Variants in PSMF1 observed in about 807,000 individuals in gnomAD.
PSMF1 encodes the protein proteasome inhibitor PI31 subunit.
PSMF1 carries 30 observed loss-of-function variants against 29.3 expected under a neutral mutation model. The ratio of observed to expected loss-of-function variants is 1.02; its 90% CI spans 0.77 to 1.39. The LOEUF (loss-of-function observed/expected upper bound fraction) is 1.39, where lower values mean the gene tolerates loss of function less well. PSMF1 is among the 40% of genes most tolerant of loss of function. The pLI is 0.00. For synonymous variants in PSMF1, 134 were observed against 139.7 expected (o/e 0.96, Z 0.29); for missense variants, 344 against 357.5 (o/e 0.96, Z 0.31).
At chr20:1,162,669 G>A (rs755744053) in intron 4 of PSMF1, among the ~76,000 whole-genome samples, 63 of 152,134 alleles carry the variant, frequency 4.1e-4, no homozygotes, top group Non-Finnish European at 7.5e-4. Context: ...TTTTATACAG[G>A]GGCTATATTG....
chr20:1,123,800 A>G (rs999485044), intron 1 of PSMF1, among the ~76,000 whole-genome samples: 1 of 152,258 alleles, frequency 6.6e-6, no homozygotes, highest in African/African-American at 2.4e-5. Flanking sequence ...TTAAATGCCC[A>G]CCAGCAGGGA....
intron 2 of PSMF1, chr20:1,127,205 G>T: frequency 1.4e-6 from 1 of 707,784 alleles, no homozygotes; most frequent in Admixed American, 2.0e-5. Flanking sequence ...AAAAGAGCCT[G>T]GGAAGTAGGT....
chr20:1,123,480 A>C (rs569055507), intron 1 of PSMF1, among the ~76,000 whole-genome samples: 12 of 152,350 alleles, frequency 7.9e-5, no homozygotes, highest in African/African-American at 2.9e-4. Context: ...AAATTTTTAC[A>C]TAAGTGGTAC....
Position 1,163,041 on chromosome 20 carries a change from C to T in PSMF1, c.552-89C>T. The T allele has an allele frequency of 6.9e-7, 1 of 1,440,878 alleles. No homozygotes were observed. The allele number at this position is 1,440,878 out of a possible 1,614,324, so 89.3% of individuals were successfully genotyped here. On this transcript the variant is annotated intron_variant, in intron 4 of 6. Coordinates refer to ENST00000335877, the MANE Select transcript of PSMF1 (RefSeq NM_006814.5). This position sits in a 1 kb window ranked among gnomAD's most constrained non-coding sequence, Gnocchi z 6.1. ...GTGCTATGGTCTCATGCAAGGGTTTCCCATGCCTGTGAGTGTGTTTGTGAT... is the reference window on the plus strand; with the variant it reads ...GTGCTATGGTCTCATGCAAGGGTTTTCCATGCCTGTGAGTGTGTTTGTGAT...
At chr20:1,161,202 G>C in intron 4 of PSMF1, 1 of 323,698 alleles carries the variant, frequency 3.1e-6, no homozygotes, top group South Asian at 5.0e-5. Flanking sequence ...GATCATGCGT[G>C]ACATCAAGGA....
chr20:1,135,381 T>A, intron 4 of PSMF1, 75 bp downstream of exon 4: 1 of 1,430,650 alleles, frequency 7.0e-7, no homozygotes, highest in Non-Finnish European at 9.5e-7. Context: ...ATCCTGCCAC[T>A]TGACCCCATC....
rs530929457 is a variant in PSMF1 at position 1,143,548 on chromosome 20, A to G, written c.551+8242A>G. Among the ~76,000 whole-genome samples, 3 of 152,326 alleles carry G rather than the reference A, an allele frequency of 2.0e-5. No individual in the cohort carries two copies. In the South Asian group the frequency reaches 6.2e-4, roughly 32 times the overall value. ...CTCCTAGAAGAAAACACAAGAGGAA[A>G]TCTTCAGTGTCTCAGGCTTGGTGAA... On this transcript the variant is annotated intron_variant, in intron 4 of 6. Transcript: ENST00000335877.
Position 1,165,016 on chromosome 20 carries a change from C to T in PSMF1, c.765-13C>T. 1 of 1,609,028 alleles carries T rather than the reference C, an allele frequency of 6.2e-7. No individual in the cohort carries two copies. On this transcript the variant is annotated splice_polypyrimidine_tract_variant and intron_variant, in intron 6 of 6. Coordinates refer to ENST00000335877, the MANE Select transcript of PSMF1 (RefSeq NM_006814.5). ...CCATCACTCCAACTCATCAGCCCCT[C>T]TTTCCATTCCAGACCTAACCCAGAC...
chr20:1,138,485 T>A (rs1196874458), intron 4 of PSMF1, among the ~76,000 whole-genome samples: 1 of 141,260 alleles, frequency 7.1e-6, no homozygotes, highest in Non-Finnish European at 1.5e-5. Context: ...ATGGCGCCAC[T>A]GCACTCCAGC....
chr20:1,122,958 A>G (rs1050403170), intron 1 of PSMF1, among the ~76,000 whole-genome samples: 4 of 152,240 alleles, frequency 2.6e-5, no homozygotes, highest in African/African-American at 9.6e-5. Context: ...GCCAGAGCAA[A>G]GATGAGGATG....
At chr20:1,134,408 G>A (rs1343698081) in intron 3 of PSMF1, among the ~76,000 whole-genome samples, 2 of 152,212 alleles carry the variant, frequency 1.3e-5, no homozygotes, top group South Asian at 4.2e-4. Context: ...TTTCTGTTAT[G>A]ATTCCATATG....
At chr20:1,128,621 T>C (rs1421449357) in intron 3 of PSMF1, among the ~76,000 whole-genome samples, 1 of 152,258 alleles carries the variant, frequency 6.6e-6, no homozygotes, top group Admixed American at 6.5e-5. Context: ...TTAAAATCAG[T>C]ATAATGAAAT....
intron 4 of PSMF1, among the ~76,000 whole-genome samples, chr20:1,147,058 TGA>T (rs1210905600): frequency 1.6e-4 from 24 of 152,088 alleles, no homozygotes; most frequent in Admixed American, 5.2e-4. Flanking sequence ...GGATTAGGTG[TGA>T]GAGTGTCAGC....
At chr20:1,146,646 C>T (rs914639566) in intron 4 of PSMF1, among the ~76,000 whole-genome samples, 8 of 150,496 alleles carry the variant, frequency 5.3e-5, no homozygotes, top group African/African-American at 1.9e-4. Context: ...TGCCCCACCT[C>T]TCCCCCCACG....
rs1216524471 is a variant in PSMF1 at position 1,164,351 on chromosome 20, G to A, written c.639G>A (p.Leu213=). 1.2e-6 allele frequency: 2 copies of A among 1,613,882 alleles called. No homozygotes were observed. The highest frequency in any genetic ancestry group is 1.7e-6 in the Non-Finnish European group (2 of 1,179,916). The change falls in exon 6 of 7, where the codon CTG becomes CTA. Residue 213 remains leucine (L), a synonymous_variant. Transcript: ENST00000335877. This position sits in a 1 kb window ranked among gnomAD's most constrained non-coding sequence, Gnocchi z 4.1. ...PRRGGMIVDP[L]RSGFPRALID... ...GAGGTGGCATGATTGTGGATCCCCTGAGATCTGGCTTCCCAAGAGCACTTA... is the reference window on the plus strand; with the variant it reads ...GAGGTGGCATGATTGTGGATCCCCTAAGATCTGGCTTCCCAAGAGCACTTA...
At position 1,149,962 on chromosome 20, in the gene PSMF1, T is replaced by C. The variant is rs73604113; in HGVS notation, c.552-13168T>C. On this transcript the variant is annotated intron_variant, in intron 4 of 6. Coordinates refer to ENST00000335877, the MANE Select transcript of PSMF1 (RefSeq NM_006814.5). The stretch of plus-strand genomic sequence containing the variant: ...ATTGCTTGAGCCCAGGAGGTGGAGG[T>C]TGTGGTGAGCCATGATCACACCACT... Among the ~76,000 whole-genome samples, 3 of 147,678 alleles carry C rather than the reference T, an allele frequency of 2.0e-5. No homozygotes were observed. The East Asian group carries it at 6.0e-4, about 29-fold the overall frequency.
chr20:1,154,387 A>G (rs1476391188), intron 4 of PSMF1, among the ~76,000 whole-genome samples: 1 of 152,236 alleles, frequency 6.6e-6, no homozygotes, highest in Non-Finnish European at 1.5e-5. Context: ...TTGATCTCAC[A>G]GGATATCCTT....
intron 4 of PSMF1, chr20:1,161,175 A>G (rs1283201231): frequency 9.0e-6 from 3 of 332,050 alleles, no homozygotes; most frequent in Non-Finnish European, 1.8e-5. Flanking sequence ...CAGCTTCCCT[A>G]CCACAGCCAA....
Position 1,135,287 on chromosome 20 carries a change from A to G in PSMF1, c.532A>G (p.Thr178Ala), listed in dbSNP as rs924908916. The change falls in exon 4 of 7, where the codon ACC becomes GCC. Residue 178 changes from threonine (T) to alanine (A), a missense_variant. Thr to Ala is a moderately conservative substitution (Grantham distance 58). Transcript: ENST00000335877. ...CCGGATTCCTCCACACCACCCACAC[A>G]CCAGTCGGCAGCCTCCCTGGTGAGT... Reference protein sequence around the residue: ...PLRIPPHHPHTSRQPPWCDPL... With the variant: ...PLRIPPHHPHASRQPPWCDPL... The G allele has an allele frequency of 6.2e-7, 1 of 1,612,626 alleles. No homozygotes were observed. Among genetic ancestry groups the G allele is most frequent in the Non-Finnish European group, 8.5e-7 (1 of 1,179,214 alleles).
Sources: allele counts gnomAD v4.1 joint callset (sites outside exome capture counted in the v4.1 genomes callset), GRCh38; gene constraint gnomAD v4.1.1; non-coding constraint Gnocchi (gnomAD v3.1); transcripts MANE v1.5; gene names NCBI Gene and HGNC (gene_info 2026-07-23, HGNC 2026-07-21).